The following CDC42BPB variants were observed in gnomAD, a reference collection of about 807,000 sequenced individuals.
CDC42BPB encodes CDC42 binding protein kinase beta.
Under a neutral mutation model 214.9 loss-of-function variants are expected in CDC42BPB, and 37 were observed. That is an observed-to-expected ratio of 0.17 (90% confidence interval 0.13 to 0.23). CDC42BPB has a LOEUF of 0.23. CDC42BPB is among the 10% of genes least tolerant of loss of function. CDC42BPB has a pLI of 1.00. For synonymous variants in CDC42BPB, 931 were observed against 884.0 expected (o/e 1.05, Z -0.94); for missense variants, 1,694 against 2,227.0 (o/e 0.76, Z 4.82).
chr14:102,978,033 C>CA (rs1424052473), intron 9 of CDC42BPB, 93 bp downstream of exon 9: 1 of 963,150 alleles, frequency 1.0e-6, no homozygotes, highest in East Asian at 2.4e-5. Context: ...ACACACCACC[C>CA]ACTAGCCCGC....
intron 30 of CDC42BPB, among the ~76,000 whole-genome samples, chr14:102,942,709 T>C (rs781186753): frequency 1.3e-4 from 20 of 152,184 alleles, no homozygotes; most frequent in Non-Finnish European, 2.2e-4. Context: ...CGTGCCTGGC[T>C]AGTTTGTTTG....
intron 1 of CDC42BPB, chr14:103,041,970 C>G: frequency 2.9e-6 from 1 of 342,248 alleles, no homozygotes; most frequent in South Asian, 2.7e-5. Context: ...CCCAAGTCAT[C>G]ACCGAGGAGA....
At chr14:102,935,251 C>T (rs1891599058) in intron 36 of CDC42BPB, among the ~76,000 whole-genome samples, 1 of 151,524 alleles carries the variant, frequency 6.6e-6, no homozygotes, top group South Asian at 2.1e-4. Flanking sequence ...ATAAGCTCAG[C>T]AAAGTTATAG....
intron 34 of CDC42BPB, 25 bp downstream of exon 34, chr14:102,939,585 C>T: frequency 1.3e-6 from 2 of 1,554,910 alleles, no homozygotes; most frequent in Non-Finnish European, 1.8e-6. Flanking sequence ...GTGCCCTGCC[C>T]GCCCTATCCC....
At chr14:102,954,080 T>C (rs548569434) in intron 23 of CDC42BPB, 118 bp downstream of exon 23, 10 of 743,448 alleles carry the variant, frequency 1.3e-5, no homozygotes, top group Non-Finnish European at 2.1e-5. Flanking sequence ...CGCTACTGTG[T>C]GTATGCAAAA....
chr14:102,955,798 G>A (rs936919832), intron 21 of CDC42BPB, among the ~76,000 whole-genome samples: 2 of 152,204 alleles, frequency 1.3e-5, no homozygotes, highest in East Asian at 1.9e-4. Context: ...CTGGGTAGGC[G>A]CCTAAAGCAT....
At chr14:102,965,744 G>A (rs1893171955) in intron 18 of CDC42BPB, among the ~76,000 whole-genome samples, 3 of 152,308 alleles carry the variant, frequency 2.0e-5, no homozygotes, top group South Asian at 4.1e-4. Flanking sequence ...ATCACCTGAG[G>A]TCAGGGGTTT....
chr14:102,945,667 C>T lies in CDC42BPB; in HGVS notation c.3806G>A (p.Arg1269Gln), dbSNP rs752549385. 74 of 1,612,528 alleles carry T rather than the reference C, an allele frequency of 4.6e-5. No individual in the cohort carries two copies. The highest frequency in any genetic ancestry group is 1.6e-4 in the Middle Eastern group (1 of 6,074). The change falls in exon 29 of 37, where the codon CGA becomes CAA. Residue 1269 changes from arginine to glutamine, a missense_variant. Coordinates refer to ENST00000361246, the MANE Select transcript of CDC42BPB (RefSeq NM_006035.4). The part of the protein sequence containing the change: ...EEGLYVIEVT[R>Q]DVIVRAADCK... ...GAAACGCCCTGCTCACTCACCATCT[C>T]GGGTGACCTCTATGACATAGAGCCC...
At chr14:103,048,277 C>T (rs995335869) in intron 1 of CDC42BPB, among the ~76,000 whole-genome samples, 2 of 152,018 alleles carry the variant, frequency 1.3e-5, no homozygotes, top group Non-Finnish European at 2.9e-5. Context: ...GGAGCGGTGG[C>T]TCACTCCTGT....
intron 23 of CDC42BPB, among the ~76,000 whole-genome samples, chr14:102,953,682 G>A (rs1469968661): frequency 1.3e-5 from 2 of 152,258 alleles, no homozygotes; most frequent in South Asian, 2.1e-4. Flanking sequence ...AGAAGAAGCC[G>A]AGGCCAGGAC....
At chr14:102,964,927 CTT>C (rs926008057) in intron 18 of CDC42BPB, 74 of 297,692 alleles carry the variant, frequency 2.5e-4, no homozygotes, top group Non-Finnish European at 3.2e-4. Flanking sequence ...CTTTTCTTTT[CTT>C]TTTTTTTTTG....
chr14:103,002,794 G>C (rs1057370113), intron 4 of CDC42BPB, among the ~76,000 whole-genome samples: 2 of 152,144 alleles, frequency 1.3e-5, no homozygotes, highest in Non-Finnish European at 2.9e-5. Context: ...TTGGGAAGAC[G>C]GACGGGGACC....
At chr14:102,936,318 C>CACA (rs1260985901) in intron 36 of CDC42BPB, among the ~76,000 whole-genome samples, 1 of 152,228 alleles carries the variant, frequency 6.6e-6, no homozygotes, top group Non-Finnish European at 1.5e-5. Flanking sequence ...CAGCACCACT[C>CACA]ACAACAGCTG....
At chr14:102,997,331 C>T (rs1894785443) in intron 5 of CDC42BPB, among the ~76,000 whole-genome samples, 1 of 152,210 alleles carries the variant, frequency 6.6e-6, no homozygotes, top group Non-Finnish European at 1.5e-5. Context: ...CACAGACACA[C>T]ATGGAATAAA....
At position 102,959,857 on chromosome 14, in the gene CDC42BPB, AAAAG is replaced by A. The variant is rs200030374; in HGVS notation, c.2822-151_2822-148del. On this transcript the variant is annotated intron_variant, in intron 20 of 36. Transcript: ENST00000361246. ...CACAATTAAAAAAAAAAAAAAAAAA[AAAAG>A]GGGTCAGGCTTTTCCCCAGAGAGTA... The A allele has an allele frequency of 3.6e-3, 4,775 of 1,309,164 alleles. 165 individuals carry two copies. In the African/African-American group the frequency reaches 0.075, roughly 21 times the overall value. 81.1% of individuals were successfully genotyped at this position (1,309,164 alleles called of 1,614,324 possible).
chr14:102,935,231 C>CA (rs534836334), intron 36 of CDC42BPB, among the ~76,000 whole-genome samples: 5 of 151,566 alleles, frequency 3.3e-5, no homozygotes, highest in Non-Finnish European at 5.9e-5. Context: ...AAAGAATCCA[C>CA]AAAAAACTAA....
intron 30 of CDC42BPB, among the ~76,000 whole-genome samples, chr14:102,941,797 GA>G (rs1240905478): frequency 6.6e-6 from 1 of 152,238 alleles, no homozygotes; most frequent in African/African-American, 2.4e-5. Flanking sequence ...CAACAGGGCT[GA>G]TAACACCTGC....
At position 102,978,009 on chromosome 14, in the gene CDC42BPB, T is replaced by C. The variant is rs577169658; in HGVS notation, c.1220+117A>G. Reference sequence around the variant, plus strand: ...ACCCATCTCCATCTCCCTTAAGTAATGGCCTCCCAGCGCACACACCACCCA... The same window carrying C: ...ACCCATCTCCATCTCCCTTAAGTAACGGCCTCCCAGCGCACACACCACCCA... On this transcript the variant is annotated intron_variant, in intron 9 of 36. Transcript: ENST00000361246. The C allele has an allele frequency of 2.1e-5, 15 of 729,850 alleles. No homozygotes were observed. In the African/African-American group the frequency reaches 2.5e-4, roughly 12 times the overall value. 45.2% of individuals were successfully genotyped at this position (729,850 alleles called of 1,614,324 possible).
chr14:103,042,264 T>A (rs1888042514), intron 1 of CDC42BPB, among the ~76,000 whole-genome samples: 1 of 152,130 alleles, frequency 6.6e-6, no homozygotes, highest in Non-Finnish European at 1.5e-5. Context: ...ATGGGGCTTG[T>A]ATCTAGAATA....
Sources: gnomAD v4.1 joint callset for allele counts (sites outside exome capture counted in the v4.1 genomes callset) on GRCh38, gnomAD v4.1.1 for gene constraint, MANE v1.5 for transcripts, NCBI Gene and HGNC (gene_info 2026-07-23, HGNC 2026-07-21) for gene names.